The following MTMR3 variants were observed in gnomAD, a reference collection of about 807,000 sequenced individuals.
MTMR3 encodes the protein myotubularin related protein 3.
Under a neutral mutation model 132.4 loss-of-function variants are expected in MTMR3, and 32 were observed. The observed-to-expected ratio is 0.24, with a 90% confidence interval of 0.18 to 0.32. The LOEUF (loss-of-function observed/expected upper bound fraction) is 0.32, where lower values mean the gene tolerates loss of function less well. MTMR3 is among the 10% of genes least tolerant of loss of function. MTMR3 has a pLI of 1.00. For synonymous variants in MTMR3, 556 were observed against 550.3 expected (o/e 1.01, Z -0.14); for missense variants, 1,216 against 1,489.6 (o/e 0.82, Z 3.02).
chr22:29,885,003 A>G (rs2064642485), intron 1 of MTMR3, among the ~76,000 whole-genome samples: 1 of 152,104 alleles, frequency 6.6e-6, no homozygotes, highest in African/African-American at 2.4e-5. Context: ...GACTCAGAGA[A>G]CTTCAAGTGA....
At chr22:29,992,575 A>T (rs1193688283) in intron 7 of MTMR3, 1 of 152,218 alleles carries the variant, frequency 6.6e-6, no homozygotes, top group Non-Finnish European at 1.5e-5. Context: ...TGCTGGTCCA[A>T]CACTGACTTT....
At chr22:30,001,917 C>T (rs1444195631) in intron 8 of MTMR3, 1 of 152,138 alleles carries the variant, frequency 6.6e-6, no homozygotes, top group Non-Finnish European at 1.5e-5. Flanking sequence ...ATGATCAAAA[C>T]CCCCAAATCC....
At chr22:29,975,280 T>G (rs912168629) in intron 3 of MTMR3, among the ~76,000 whole-genome samples, 1 of 152,200 alleles carries the variant, frequency 6.6e-6, no homozygotes, top group African/African-American at 2.4e-5. Context: ...GCTCATAAAT[T>G]CATTTAAAAG....
intron 19 of MTMR3, chr22:30,024,837 T>A (rs1161067883): frequency 6.6e-6 from 1 of 152,252 alleles, no homozygotes; most frequent in Non-Finnish European, 1.5e-5. Flanking sequence ...GGTGCAGAAC[T>A]GTGCTGCACA....
chr22:30,012,656 TA>T (rs2067462308), intron 13 of MTMR3, 93 bp downstream of exon 13: 1 of 1,321,804 alleles, frequency 7.6e-7, no homozygotes, highest in Non-Finnish European at 1.0e-6. Flanking sequence ...GTGATTCGGT[TA>T]AAGAAAGTGA....
chr22:29,953,466 A>G (rs2066123315), intron 1 of MTMR3, among the ~76,000 whole-genome samples: 1 of 152,126 alleles, frequency 6.6e-6, no homozygotes, highest in South Asian at 2.1e-4. Flanking sequence ...AAATATGTCC[A>G]TTCCTTTTTG....
chr22:29,894,542 G>A (rs944663680), intron 1 of MTMR3, among the ~76,000 whole-genome samples: 5 of 150,574 alleles, frequency 3.3e-5, no homozygotes, highest in Non-Finnish European at 5.9e-5. Context: ...GTGTGTTGTG[G>A]TATGTTTTAA....
intron 5 of MTMR3, chr22:29,986,435 A>T (rs2066859223): frequency 2.3e-5 from 10 of 433,654 alleles, no homozygotes; most frequent in Non-Finnish European, 3.1e-5. Flanking sequence ...GTTATCTTCT[A>T]ATCTGTCTTC....
chr22:30,019,405 G>A, intron 16 of MTMR3, 75 bp from the exon 17 acceptor site: 1 of 1,401,884 alleles, frequency 7.1e-7, no homozygotes, highest in Admixed American at 2.1e-5. Flanking sequence ...ACAACTGCTT[G>A]TTAAAACCTA....
At chr22:29,899,002 A>G (rs2064956193) in intron 1 of MTMR3, among the ~76,000 whole-genome samples, 1 of 151,434 alleles carries the variant, frequency 6.6e-6, no homozygotes, top group East Asian at 1.9e-4. Context: ...CAGTAGTTAC[A>G]CATTTTATAA....
intron 18 of MTMR3, 46 bp downstream of exon 18, chr22:30,022,185 T>TGTG: frequency 6.7e-7 from 1 of 1,494,170 alleles, no homozygotes; most frequent in Non-Finnish European, 9.3e-7. Flanking sequence ...TTAACTGTTT[T>TGTG]GTGGTTCTTC....
chr22:30,023,438 C>G (rs369450395), intron 19 of MTMR3: 177 of 1,614,086 alleles, frequency 1.1e-4, no homozygotes, highest in Non-Finnish European at 1.4e-4. Flanking sequence ...CTTCTGAGCT[C>G]TTTCTCCCCT....
chr22:30,017,549 TG>T (rs1601429718), intron 15 of MTMR3: 1 of 177,058 alleles, frequency 5.6e-6, no homozygotes, highest in Admixed American at 6.4e-5. Flanking sequence ...GCCAAGCTTT[TG>T]TGCCAGCAGG....
intron 10 of MTMR3, 199 bp downstream of exon 10, chr22:30,007,518 A>G (rs2067298148): frequency 3.2e-6 from 2 of 623,788 alleles, no homozygotes; most frequent in Admixed American, 3.0e-5. Flanking sequence ...GAATCAAGAT[A>G]TTAGTGTGTT....
chr22:29,888,348 A>G (rs1260011470), intron 1 of MTMR3, among the ~76,000 whole-genome samples: 1 of 152,202 alleles, frequency 6.6e-6, no homozygotes, highest in African/African-American at 2.4e-5. Flanking sequence ...TGCCTGGCCT[A>G]AAAGGTTGTT....
intron 1 of MTMR3, among the ~76,000 whole-genome samples, chr22:29,893,948 C>G (rs1487900703): frequency 2.0e-5 from 3 of 152,134 alleles, no homozygotes; most frequent in Non-Finnish European, 2.9e-5. Flanking sequence ...TGGGTTCAAG[C>G]CATTCTCGTG....
chr22:29,928,051 C>T (rs776345773), intron 1 of MTMR3, among the ~76,000 whole-genome samples: 13 of 150,300 alleles, frequency 8.6e-5, no homozygotes, highest in Non-Finnish European at 1.3e-4. Flanking sequence ...AGCGATTCTC[C>T]TGCCTCAGCC....
intron 5 of MTMR3, chr22:29,985,740 C>T (rs1485631450): frequency 6.6e-6 from 1 of 152,150 alleles, no homozygotes; most frequent in Non-Finnish European, 1.5e-5. Flanking sequence ...TGGTGACTTG[C>T]TGGTGTCTGC....
chr22:30,001,065 C>CTGTGT (rs2067161455), intron 8 of MTMR3: 1 of 152,066 alleles, frequency 6.6e-6, no homozygotes, highest in African/African-American at 2.4e-5. Context: ...CTAGGCTGGG[C>CTGTGT]AACATAGTGA....
Sources: allele counts gnomAD v4.1 joint callset (sites outside exome capture counted in the v4.1 genomes callset), GRCh38; gene constraint gnomAD v4.1.1; transcripts MANE v1.5; gene names NCBI Gene and HGNC (gene_info 2026-07-23, HGNC 2026-07-21).